Variants in ATF7IP2 observed in about 807,000 individuals in gnomAD.
ATF7IP2 encodes activating transcription factor 7-interacting protein 2.
Under a neutral mutation model 64.2 loss-of-function variants are expected in ATF7IP2, and 42 were observed. The ratio of observed to expected loss-of-function variants is 0.65; its 90% confidence interval spans 0.51 to 0.85. The LOEUF is 0.85. Among genes scored for constraint, ATF7IP2 ranks in the 40% least tolerant of loss-of-function variants. ATF7IP2 has a pLI of 0.00. For synonymous variants in ATF7IP2, 308 were observed against 272.8 expected (o/e 1.13, Z -1.27); for missense variants, 933 against 784.2 (o/e 1.19, Z -2.27).
Position 10,430,630 on chromosome 16 carries a change from C to T in ATF7IP2, c.10C>T (p.Pro4Ser), listed in dbSNP as rs746102771. 5.0e-6 allele frequency: 8 copies of T among 1,608,426 alleles called. No individual in the cohort carries two copies. The highest frequency in any genetic ancestry group is 1.3e-5 in the African/African-American group (1 of 74,602). Residue 4 changes from proline (P) to serine (S), a missense_variant, in exon 5 of 14, where the codon CCA (proline) becomes TCA (serine). Coordinates refer to ENST00000562102, the MANE Select transcript of ATF7IP2 (RefSeq NM_001393719.1). MASPDRSKRKILKA... is the reference protein window; with the variant it reads MASSDRSKRKILKA... ...TTCCAGGATATGAAAGATGGCAAGT[C>T]CAGATAGAAGTAAACGGAAGATATT...
intron 8 of ATF7IP2, among the ~76,000 whole-genome samples, chr16:10,455,234 A>C (rs1005646763): frequency 6.6e-6 from 1 of 152,194 alleles, no homozygotes; most frequent in African/African-American, 2.4e-5. Context: ...ATGGGTAGTT[A>C]ATCCTGGATT....
At chr16:10,470,231 T>C (rs1567173303) in intron 9 of ATF7IP2, among the ~76,000 whole-genome samples, 1 of 152,028 alleles carries the variant, frequency 6.6e-6, no homozygotes, top group East Asian at 1.9e-4. Context: ...ATTATATATA[T>C]ACACACACAC....
At chr16:10,419,529 T>C in intron 2 of ATF7IP2, 52 bp from the exon 3 acceptor site, 1 of 153,118 alleles carries the variant, frequency 6.5e-6, no homozygotes, top group Non-Finnish European at 1.5e-5. Context: ...ATCACTGCTA[T>C]CATAGCTATC....
rs1044409139 is a variant in ATF7IP2, at chr16:10,430,551, G to T, written c.-10-60G>T. ...ATTGTAAATAAATAACTTTAATTCA[G>T]TAGTAAATAACTTTTATTCACTAGA... On this transcript the variant is annotated intron_variant, in intron 4 of 13. Coordinates refer to ENST00000562102, the MANE Select transcript of ATF7IP2 (RefSeq NM_001393719.1). The T allele has an allele frequency of 9.5e-6, 9 of 944,094 alleles. No individual in the cohort carries two copies. The African/African-American group carries it at 1.3e-4, about 14-fold the overall frequency. 58.5% of individuals were successfully genotyped at this position (944,094 alleles called of 1,614,324 possible).
At chr16:10,424,146 C>T (rs1214529914) in intron 3 of ATF7IP2, among the ~76,000 whole-genome samples, 1 of 152,252 alleles carries the variant, frequency 6.6e-6, no homozygotes, top group Non-Finnish European at 1.5e-5. Context: ...CTATTGTTTG[C>T]AGTTCTGGAA....
chr16:10,457,595 C>T lies in ATF7IP2; in HGVS notation c.1352+66C>T, dbSNP rs1047133742. The T allele has an allele frequency of 4.9e-6, 6 of 1,213,228 alleles. No individual in the cohort carries two copies. The Admixed American group carries it at 1.3e-4, about 27-fold the overall frequency. 75.2% of individuals were successfully genotyped at this position (1,213,228 alleles called of 1,614,324 possible). ...ATAATAATGAATTTTTTCTTCATCACAGTTTTGGATCTTTGTAATATTGAT... is the reference window on the plus strand; with the variant it reads ...ATAATAATGAATTTTTTCTTCATCATAGTTTTGGATCTTTGTAATATTGAT... On this transcript the variant is annotated intron_variant, in intron 9 of 13. Coordinates refer to ENST00000562102, the MANE Select transcript of ATF7IP2 (RefSeq NM_001393719.1).
chr16:10,400,885 T>TTG (rs1473552907), intron 1 of ATF7IP2, among the ~76,000 whole-genome samples: 2 of 152,048 alleles, frequency 1.3e-5, no homozygotes, highest in Non-Finnish European at 2.9e-5. Flanking sequence ...TTTCGCCATG[T>TTG]TGTGGCCAGG....
intron 9 of ATF7IP2, 98 bp downstream of exon 9, chr16:10,457,627 T>A: frequency 2.3e-6 from 2 of 884,732 alleles, no homozygotes; most frequent in Non-Finnish European, 3.3e-6. Flanking sequence ...TGATTATTCT[T>A]AACATTCACT....
At position 10,386,951 on chromosome 16, in the gene ATF7IP2, C is replaced by T. The variant is rs374559099; in HGVS notation, c.-242+829C>T. 20 of 152,256 alleles carry T rather than the reference C, an allele frequency of 1.3e-4. No individual in the cohort carries two copies. The East Asian group carries it at 3.9e-3, about 29-fold the overall frequency. 9.4% of individuals were successfully genotyped at this position (152,256 alleles called of 1,614,324 possible). ...CTGTGTTGAAAATGAAGTTTCTAAC[C>T]ACGTGTTCCTTCCTTTACGACACAA... On this transcript the variant is annotated intron_variant, in intron 1 of 13. Transcript: ENST00000562102.
intron 8 of ATF7IP2, among the ~76,000 whole-genome samples, chr16:10,455,006 T>C (rs1245672844): frequency 2.0e-5 from 3 of 152,214 alleles, no homozygotes; most frequent in African/African-American, 7.2e-5. Flanking sequence ...GAATGTTCCA[T>C]GTACAGAATG....
chr16:10,437,836 G>A (rs1010936099), intron 6 of ATF7IP2, among the ~76,000 whole-genome samples: 1 of 152,106 alleles, frequency 6.6e-6, no homozygotes, highest in African/African-American at 2.4e-5. Context: ...AATTCAAGTG[G>A]AACTATAGGA....
intron 1 of ATF7IP2, among the ~76,000 whole-genome samples, chr16:10,403,695 C>G (rs765580720): frequency 2.0e-5 from 3 of 151,918 alleles, no homozygotes; most frequent in Non-Finnish European, 4.4e-5. Context: ...ATCTGAAAAC[C>G]CATACAAAGA....
chr16:10,388,311 A>G (rs960188448), intron 1 of ATF7IP2, among the ~76,000 whole-genome samples: 2 of 152,252 alleles, frequency 1.3e-5, no homozygotes, highest in African/African-American at 4.8e-5. Flanking sequence ...CTAGAGAGAA[A>G]TAACCATGAC....
chr16:10,443,856 T>C (rs1001065174), intron 8 of ATF7IP2, among the ~76,000 whole-genome samples: 1 of 152,170 alleles, frequency 6.6e-6, no homozygotes, highest in Admixed American at 6.5e-5. Context: ...GTTACATTGC[T>C]AGGACTGACA....
intron 9 of ATF7IP2, among the ~76,000 whole-genome samples, chr16:10,460,392 T>C (rs2049334604): frequency 6.6e-6 from 1 of 152,150 alleles, no homozygotes; most frequent in African/African-American, 2.4e-5. Flanking sequence ...TAAAATGCAA[T>C]GGGTTCAGAG....
intron 9 of ATF7IP2, among the ~76,000 whole-genome samples, chr16:10,468,027 G>A (rs748275326): frequency 4.6e-5 from 7 of 151,250 alleles, no homozygotes; most frequent in South Asian, 2.1e-4. Flanking sequence ...TTAAAGGCAC[G>A]TGCCACCATG....
At chr16:10,462,802 A>T (rs551597254) in intron 9 of ATF7IP2, among the ~76,000 whole-genome samples, 4 of 151,892 alleles carry the variant, frequency 2.6e-5, no homozygotes, top group Admixed American at 6.6e-5. Flanking sequence ...GGAGCATTCT[A>T]TGTCTTCTGT....
At chr16:10,436,196 G>A (rs764422705) in intron 6 of ATF7IP2, among the ~76,000 whole-genome samples, 8 of 152,008 alleles carry the variant, frequency 5.3e-5, no homozygotes, top group East Asian at 1.9e-4. Context: ...ACCCTGTCTC[G>A]GCTAAAAATA....
At chr16:10,416,245 T>C (rs1252640450) in intron 2 of ATF7IP2, among the ~76,000 whole-genome samples, 2 of 152,190 alleles carry the variant, frequency 1.3e-5, no homozygotes, top group Non-Finnish European at 1.5e-5. Context: ...GTGGTACATA[T>C]ACACAATAGA....
Sources: allele counts gnomAD v4.1 joint callset (sites outside exome capture counted in the v4.1 genomes callset), GRCh38; gene constraint gnomAD v4.1.1; transcripts MANE v1.5; gene names NCBI Gene and HGNC (gene_info 2026-07-23, HGNC 2026-07-21).